Variants in EPHA6 observed in about 807,000 individuals in gnomAD.
EPHA6 encodes the protein ephrin type-A receptor 6.
A neutral mutation model predicts 112.0 loss-of-function variants in EPHA6; 50 were observed. That is an observed-to-expected ratio of 0.45 (90% CI 0.36 to 0.56). The LOEUF is 0.56. Ranked by LOEUF, EPHA6 falls within the 20% of genes least tolerant of loss-of-function variation. EPHA6 has a pLI of 0.00. For synonymous variants in EPHA6, 529 were observed against 490.7 expected (o/e 1.08, Z -1.03); for missense variants, 1,280 against 1,417.4 (o/e 0.90, Z 1.56).
intron 3 of EPHA6, among the ~76,000 whole-genome samples, chr3:97,202,492 C>G (rs1360919522): frequency 6.6e-6 from 1 of 151,836 alleles, no homozygotes; most frequent in Admixed American, 6.6e-5. Flanking sequence ...CCTCCATGCC[C>G]GGCTAGGTTT....
chr3:97,148,855 A>G (rs76861892), intron 3 of EPHA6, among the ~76,000 whole-genome samples: 4 of 152,044 alleles, frequency 2.6e-5, no homozygotes, highest in African/African-American at 7.2e-5. Context: ...TATATCAGGG[A>G]ACACATTTGA....
At chr3:97,378,825 G>C (rs2085539517) in intron 5 of EPHA6, among the ~76,000 whole-genome samples, 1 of 151,984 alleles carries the variant, frequency 6.6e-6, no homozygotes, top group South Asian at 2.1e-4. Flanking sequence ...TATCTAGGAA[G>C]TAACTAGCTT....
At chr3:97,032,499 G>T (rs528379077) in intron 3 of EPHA6, among the ~76,000 whole-genome samples, 1 of 151,796 alleles carries the variant, frequency 6.6e-6, no homozygotes, top group African/African-American at 2.4e-5. Context: ...TTTTGCTTGC[G>T]AGCTAGATCC....
chr3:96,824,563 A>G (rs970405048), intron 1 of EPHA6, among the ~76,000 whole-genome samples: 2 of 152,004 alleles, frequency 1.3e-5, no homozygotes, highest in Non-Finnish European at 2.9e-5. Flanking sequence ...TTTGACACCT[A>G]TTATGTTTGG....
intron 6 of EPHA6, among the ~76,000 whole-genome samples, chr3:97,445,049 C>G (rs1286280492): frequency 6.6e-6 from 1 of 152,012 alleles, no homozygotes; most frequent in Non-Finnish European, 1.5e-5. Flanking sequence ...CAGTGCTCTA[C>G]GTTCACACTA....
chr3:97,041,976 T>C (rs2045332502), intron 3 of EPHA6, among the ~76,000 whole-genome samples: 1 of 152,112 alleles, frequency 6.6e-6, no homozygotes, highest in African/African-American at 2.4e-5. Context: ...ACCATGTCAG[T>C]ACCTGATACC....
intron 3 of EPHA6, among the ~76,000 whole-genome samples, chr3:97,110,896 G>A (rs2047703246): frequency 6.6e-6 from 1 of 152,012 alleles, no homozygotes; most frequent in South Asian, 2.1e-4. Context: ...GAATTTTACA[G>A]AAATTAGACC....
At chr3:97,451,798 CT>C in intron 7 of EPHA6, among the ~76,000 whole-genome samples, 1 of 151,860 alleles carries the variant, frequency 6.6e-6, no homozygotes, top group South Asian at 2.1e-4. Flanking sequence ...ATTTTATAGC[CT>C]TTGTTTCTCA....
chr3:97,610,471 T>C (rs991558169), intron 12 of EPHA6, among the ~76,000 whole-genome samples: 1 of 151,704 alleles, frequency 6.6e-6, no homozygotes. Context: ...GCTTGTTGAT[T>C]GTTTTCTAAG....
chr3:97,460,376 G>A (rs62262773), intron 7 of EPHA6, among the ~76,000 whole-genome samples: 8 of 152,170 alleles, frequency 5.3e-5, no homozygotes, highest in African/African-American at 1.9e-4. Context: ...TTATTCATTT[G>A]TATGTAGAGT....
intron 5 of EPHA6, among the ~76,000 whole-genome samples, chr3:97,314,516 CATGCTGAAATTTACTTCTTGGTTTAG>C (rs2081717713): frequency 1.3e-5 from 2 of 151,626 alleles, no homozygotes; most frequent in African/African-American, 4.8e-5. Context: ...AGGGATTTTT[CATGCTGAAATTTACTTCTTGGTTTAG>C]GGTATCTAAA....
chr3:97,449,175 C>T (rs2090445374), intron 7 of EPHA6, among the ~76,000 whole-genome samples: 1 of 152,122 alleles, frequency 6.6e-6, no homozygotes, highest in African/African-American at 2.4e-5. Flanking sequence ...AATACAGATG[C>T]ATGGGCTTCA....
chr3:97,084,115 T>TATATGG (rs1559717379), intron 3 of EPHA6, among the ~76,000 whole-genome samples: 13 of 126,452 alleles, frequency 1.0e-4, no homozygotes, highest in Non-Finnish European at 2.1e-4. Context: ...TATATATATA[T>TATATGG]ATATATATGG....
chr3:97,248,070 T>C (rs1299400587), intron 5 of EPHA6, among the ~76,000 whole-genome samples: 2 of 151,926 alleles, frequency 1.3e-5, no homozygotes, highest in East Asian at 3.9e-4. Flanking sequence ...AATTGTTTGC[T>C]CTGTTTATAA....
At chr3:97,678,155 A>C (rs2031559056) in intron 14 of EPHA6, among the ~76,000 whole-genome samples, 1 of 152,102 alleles carries the variant, frequency 6.6e-6, no homozygotes, top group Non-Finnish European at 1.5e-5. Flanking sequence ...GTGACTGGAA[A>C]TCTGGTGCCT....
At chr3:97,725,301 A>C (rs2034711092) in intron 15 of EPHA6, among the ~76,000 whole-genome samples, 1 of 152,218 alleles carries the variant, frequency 6.6e-6, no homozygotes, top group Middle Eastern at 3.4e-3. Flanking sequence ...TGGCTTTGTT[A>C]GGACCTTGCC....
intron 6 of EPHA6, among the ~76,000 whole-genome samples, chr3:97,406,243 T>TACCA (rs2087336017): frequency 2.0e-5 from 3 of 152,144 alleles, no homozygotes; most frequent in South Asian, 4.1e-4. Flanking sequence ...TGTAACAGAA[T>TACCA]ACCACAGATG....
chr3:97,462,884 T>C (rs2090934922), intron 7 of EPHA6, among the ~76,000 whole-genome samples: 1 of 152,148 alleles, frequency 6.6e-6, no homozygotes, highest in African/African-American at 2.4e-5. Context: ...TGGGGCTTTC[T>C]AATTACCTTT....
intron 4 of EPHA6, among the ~76,000 whole-genome samples, chr3:97,235,136 A>G (rs951197891): frequency 6.6e-6 from 1 of 152,024 alleles, no homozygotes; most frequent in Non-Finnish European, 1.5e-5. Flanking sequence ...ACTCCTTTTT[A>G]TGTCATTGTG....
Sources: allele counts gnomAD v4.1 joint callset (sites outside exome capture counted in the v4.1 genomes callset), GRCh38; gene constraint gnomAD v4.1.1; transcripts MANE v1.5; gene names NCBI Gene and HGNC (gene_info 2026-07-23, HGNC 2026-07-21).